Variants in LZTFL1 observed in about 807,000 individuals in gnomAD.
LZTFL1 encodes the protein leucine zipper transcription factor-like protein 1.
In LZTFL1, 25 loss-of-function variants were observed where a neutral mutation model predicts 45.9. The observed-to-expected ratio is 0.54, with a 90% CI of 0.40 to 0.76. The LOEUF (loss-of-function observed/expected upper bound fraction) is 0.76, where lower values mean the gene tolerates loss of function less well. Among genes scored for constraint, LZTFL1 ranks in the 30% least tolerant of loss-of-function variants. The pLI, the probability that LZTFL1 is intolerant of heterozygous loss-of-function variation, is 0.00. For missense variants in LZTFL1, 277 were observed against 331.1 expected (o/e 0.84, Z 1.27); for synonymous variants, 93 against 117.4 (o/e 0.79, Z 1.35).
intron 2 of LZTFL1, among the ~76,000 whole-genome samples, chr3:45,872,702 C>G (rs1186077119): frequency 6.6e-6 from 1 of 152,190 alleles, no homozygotes; most frequent in African/African-American, 2.4e-5. Flanking sequence ...CTAGCGATGA[C>G]TGGCTAAAGA....
At chr3:45,883,006 T>C (rs935650343) in intron 2 of LZTFL1, among the ~76,000 whole-genome samples, 10 of 152,152 alleles carry the variant, frequency 6.6e-5, no homozygotes, top group Admixed American at 5.9e-4. Flanking sequence ...AATATTTTGA[T>C]ACTTCTACAA....
At chr3:45,890,745 A>C (rs574348351) in intron 2 of LZTFL1, among the ~76,000 whole-genome samples, 152 of 152,290 alleles carry the variant, frequency 1.0e-3, no homozygotes, top group African/African-American at 3.3e-3. Context: ...TCTTTCATTC[A>C]CCTGAGAAAT....
intron 2 of LZTFL1, chr3:45,895,088 T>A (rs1478443084): frequency 1.1e-6 from 1 of 929,646 alleles, no homozygotes; most frequent in African/African-American, 1.6e-5. Flanking sequence ...TGCCTGGCAA[T>A]GCGCATTGCT....
chr3:45,841,824 A>T, intron 1 of LZTFL1, 165 bp downstream of exon 1: 2 of 880,466 alleles, frequency 2.3e-6, no homozygotes, highest in Non-Finnish European at 3.5e-6. Context: ...GGCTGCGGTT[A>T]ACCGAATCTC....
chr3:45,871,356 G>A (rs1438324793), intron 2 of LZTFL1, among the ~76,000 whole-genome samples: 22 of 152,164 alleles, frequency 1.4e-4, no homozygotes, highest in Non-Finnish European at 7.3e-5. Context: ...CAATCACAGT[G>A]CTTGATATTA....
chr3:45,870,959 C>A (rs1701662072), intron 2 of LZTFL1, among the ~76,000 whole-genome samples: 1 of 152,188 alleles, frequency 6.6e-6, no homozygotes, highest in African/African-American at 2.4e-5. Flanking sequence ...ATTGAACATA[C>A]CATCTATTAT....
At position 45,901,412 on chromosome 3, in the gene LZTFL1, C is replaced by A; in HGVS notation, c.-215+11708G>T. 1 of 1,614,174 alleles carries A rather than the reference C, an allele frequency of 6.2e-7. No individual in the cohort carries two copies. Among genetic ancestry groups the A allele is most frequent in the Non-Finnish European group, 8.5e-7 (1 of 1,180,038 alleles). Reference sequence around the variant, plus strand: ...TGGTTTACCCTAGCGATGAGAGCACCAAACTGAAGTCAGCTGTCTTGACCC... The same window carrying A: ...TGGTTTACCCTAGCGATGAGAGCACAAAACTGAAGTCAGCTGTCTTGACCC... On this transcript the variant is annotated intron_variant, in intron 2 of 4. Transcript: ENST00000472635. This position sits in a 1 kb window ranked among gnomAD's most constrained non-coding sequence, Gnocchi z 4.3.
chr3:45,834,143 A>C, intron 4 of LZTFL1, 95 bp downstream of exon 4: 1 of 665,000 alleles, frequency 1.5e-6, no homozygotes, highest in Non-Finnish European at 2.6e-6. Context: ...CTTTTCCTTA[A>C]GAGTTCTCAG....
At chr3:45,829,547 T>C (rs1479659121) in intron 7 of LZTFL1, among the ~76,000 whole-genome samples, 1 of 139,148 alleles carries the variant, frequency 7.2e-6, no homozygotes, top group Non-Finnish European at 1.5e-5. Flanking sequence ...AAGGTTGTAG[T>C]GAGCCATGGT....
intron 2 of LZTFL1, chr3:45,902,131 G>A (rs199551466): frequency 1.1e-5 from 5 of 462,954 alleles, no homozygotes; most frequent in Non-Finnish European, 2.0e-5. Flanking sequence ...AATTCTCAAA[G>A]GAGGACTAAG....
At chr3:45,851,346 C>T (rs1283681845) in intron 4 of LZTFL1, among the ~76,000 whole-genome samples, 1 of 151,740 alleles carries the variant, frequency 6.6e-6, no homozygotes, top group East Asian at 1.9e-4. Flanking sequence ...CCTGCATCAG[C>T]CTCCTGAGTA....
intron 2 of LZTFL1, among the ~76,000 whole-genome samples, chr3:45,906,245 G>A (rs1702676649): frequency 6.6e-6 from 1 of 152,176 alleles, no homozygotes; most frequent in South Asian, 2.1e-4. Context: ...TATAACCTAA[G>A]CATTCAGCAG....
At chr3:45,897,751 C>G (rs1702404599) in intron 2 of LZTFL1, 2 of 631,460 alleles carry the variant, frequency 3.2e-6, no homozygotes, top group South Asian at 2.0e-5. Context: ...TCTTTCCTCC[C>G]TTGCCTTCTT....
At chr3:45,890,876 C>A (rs12330719) in intron 2 of LZTFL1, among the ~76,000 whole-genome samples, 2 of 152,256 alleles carry the variant, frequency 1.3e-5, no homozygotes, top group African/African-American at 4.8e-5. Flanking sequence ...CTTCACCTGT[C>A]TGAAGAATGT....
intron 1 of LZTFL1, among the ~76,000 whole-genome samples, chr3:45,840,182 A>G (rs184496208): frequency 7.7e-4 from 118 of 152,302 alleles, no homozygotes; most frequent in Middle Eastern, 6.8e-3. Context: ...AAGAAGGAAA[A>G]ATTACTCAAA....
Position 45,858,064 on chromosome 3 carries a change from A to T in LZTFL1, c.-138+876T>A, listed in dbSNP as rs2125706986. Among the ~76,000 whole-genome samples, 3 of 152,338 alleles carry T rather than the reference A, an allele frequency of 2.0e-5. 1 individual carries two copies. The Middle Eastern group carries it at 0.01, about 518-fold the overall frequency. On this transcript the variant is annotated intron_variant, in intron 3 of 4. Coordinates refer to the LZTFL1 transcript ENST00000472635. ...AAGAAATGTATTAAATCAATTTACC[A>T]TAATTTTTAAAAAGTATTTCCAGGA...
At chr3:45,842,194 A>C (rs1701138948), upstream of LZTFL1, 3 of 1,443,082 alleles carry the variant, frequency 2.1e-6, no homozygotes, top group South Asian at 1.4e-5. Context: ...CGCGACAGGA[A>C]GTATTGCGTA....
chr3:45,902,515 G>A (rs200170116), intron 2 of LZTFL1: 2 of 167,174 alleles, frequency 1.2e-5, no homozygotes, highest in African/African-American at 2.4e-5. Context: ...TGCAGGTCTT[G>A]CCAGTGAACC....
intron 1 of LZTFL1, among the ~76,000 whole-genome samples, chr3:45,839,275 A>C (rs1468968422): frequency 6.6e-6 from 1 of 152,100 alleles, no homozygotes; most frequent in East Asian, 1.9e-4. Context: ...TTTTTAGTAG[A>C]GACGGGGTTT....
Sources: allele counts gnomAD v4.1 joint callset (sites outside exome capture counted in the v4.1 genomes callset), GRCh38; gene constraint gnomAD v4.1.1; non-coding constraint Gnocchi (gnomAD v3.1); transcripts MANE v1.5; gene names NCBI Gene and HGNC (gene_info 2026-07-23, HGNC 2026-07-21).